NAALADL2: variants seen among roughly 807,000 people sequenced by gnomAD.
The protein encoded by NAALADL2 is inactive N-acetylated-alpha-linked acidic dipeptidase-like protein 2.
A neutral mutation model predicts 87.2 loss-of-function variants in NAALADL2; 76 were observed. That is an observed-to-expected ratio of 0.87 (90% CI 0.72 to 1.05). NAALADL2 has a LOEUF of 1.05. NAALADL2 is among the 50% of genes least tolerant of loss of function. NAALADL2 has a pLI of 0.00. For synonymous variants in NAALADL2, 354 were observed against 331.0 expected, an observed-to-expected ratio of 1.07 and a Z score of -0.75; for missense variants, 1,089 against 945.8, an observed-to-expected ratio of 1.15 and a Z score of -1.99.
chr3:175,055,557 G>A lies in NAALADL2; in HGVS notation c.44-41233G>A, dbSNP rs569633417. Among the ~76,000 whole-genome samples the A allele has an allele frequency of 6.6e-5, 10 of 152,298 alleles. No homozygotes were observed. In the East Asian group the frequency reaches 9.7e-4, roughly 15 times the overall value. On this transcript the variant is annotated intron_variant, in intron 1 of 13. Coordinates refer to ENST00000454872, the MANE Select transcript of NAALADL2 (RefSeq NM_207015.3). ...CAGGGGTGAGGGAATGGCCTCAGTC[G>A]GAAATGCCCCAGTTTGGAATGGGGC...
intron 11 of NAALADL2, among the ~76,000 whole-genome samples, chr3:175,698,480 T>C (rs1003766262): frequency 8.3e-6 from 1 of 120,380 alleles, no homozygotes; most frequent in Admixed American, 7.9e-5. Context: ...TGTGTATATA[T>C]ATTTATATAT....
intron 2 of NAALADL2, among the ~76,000 whole-genome samples, chr3:174,687,693 A>G (rs1728175187): frequency 6.6e-6 from 1 of 152,062 alleles, no homozygotes; most frequent in Non-Finnish European, 1.5e-5. Context: ...ATTTATGTTA[A>G]TATAATTTGA....
intron 3 of NAALADL2, among the ~76,000 whole-genome samples, chr3:175,237,584 C>G (rs60343293): frequency 3.9e-5 from 6 of 152,144 alleles, no homozygotes; most frequent in African/African-American, 1.2e-4. Context: ...TTTTTAGATC[C>G]CTTTAAATGA....
chr3:175,719,914 A>C (rs1741989540), intron 11 of NAALADL2, among the ~76,000 whole-genome samples: 1 of 152,174 alleles, frequency 6.6e-6, no homozygotes, highest in African/African-American at 2.4e-5. Flanking sequence ...GTGATAGAAG[A>C]AGCTAACTTT....
chr3:174,785,737 C>G (rs867370383), intron 3 of NAALADL2, among the ~76,000 whole-genome samples: 1 of 152,064 alleles, frequency 6.6e-6, no homozygotes, highest in African/African-American at 2.4e-5. Flanking sequence ...TAGTGATTCC[C>G]TGCTATATTT....
chr3:174,872,920 C>T (rs1217536124), intron 1 of NAALADL2, among the ~76,000 whole-genome samples: 3 of 152,136 alleles, frequency 2.0e-5, no homozygotes, highest in South Asian at 2.1e-4. Context: ...ATTAAAGATG[C>T]TATTTTGAAA....
At chr3:175,305,091 G>T (rs1317666495) in intron 4 of NAALADL2, among the ~76,000 whole-genome samples, 1 of 151,732 alleles carries the variant, frequency 6.6e-6, no homozygotes, top group African/African-American at 2.4e-5. Context: ...AGTTAATTTT[G>T]TTCATTATTT....
chr3:174,777,089 A>G (rs1449904723), intron 3 of NAALADL2, among the ~76,000 whole-genome samples: 1 of 152,128 alleles, frequency 6.6e-6, no homozygotes, highest in African/African-American at 2.4e-5. Flanking sequence ...CAACTATCAT[A>G]ATCTTTTCAA....
At chr3:175,164,422 A>G (rs1560108441) in intron 2 of NAALADL2, among the ~76,000 whole-genome samples, 1 of 152,058 alleles carries the variant, frequency 6.6e-6, no homozygotes, top group Non-Finnish European at 1.5e-5. Flanking sequence ...AACTAATAGA[A>G]ATAAAGAATT....
chr3:174,672,560 A>G (rs868343691), intron 2 of NAALADL2, among the ~76,000 whole-genome samples: 1 of 152,054 alleles, frequency 6.6e-6, no homozygotes, highest in African/African-American at 2.4e-5. Flanking sequence ...TGATGATGAT[A>G]ATGGGGTGTG....
chr3:175,571,180 T>G (rs1718028535), intron 9 of NAALADL2, among the ~76,000 whole-genome samples: 1 of 152,170 alleles, frequency 6.6e-6, no homozygotes, highest in Admixed American at 6.5e-5. Context: ...ACTATAAAGT[T>G]TTGCCTTTCA....
At chr3:174,672,068 A>G (rs593599) in intron 2 of NAALADL2, among the ~76,000 whole-genome samples, 96,894 of 151,716 alleles carry the variant, frequency 0.64, 31,672 homozygotes, top group Admixed American at 0.72. Context: ...AACTAAGAAT[A>G]TTCTAAATAT....
chr3:175,351,043 C>T (rs545946354), intron 5 of NAALADL2, among the ~76,000 whole-genome samples: 9 of 152,126 alleles, frequency 5.9e-5, no homozygotes, highest in Admixed American at 5.9e-4. Flanking sequence ...TTATCAATTG[C>T]ATATACTTTG....
chr3:174,519,599 G>T (rs1720144785), intron 1 of NAALADL2, among the ~76,000 whole-genome samples: 1 of 151,806 alleles, frequency 6.6e-6, no homozygotes, highest in African/African-American at 2.4e-5. Flanking sequence ...TCAAAGTGCT[G>T]GGATTACAGA....
At chr3:174,949,303 AT>A (rs1364821240) in intron 1 of NAALADL2, among the ~76,000 whole-genome samples, 1 of 152,094 alleles carries the variant, frequency 6.6e-6, no homozygotes, top group East Asian at 1.9e-4. Flanking sequence ...CAGAAAGCCA[AT>A]TGGAATCTAT....
intron 1 of NAALADL2, among the ~76,000 whole-genome samples, chr3:174,919,320 A>G (rs557962865): frequency 2.6e-5 from 4 of 152,302 alleles, no homozygotes; most frequent in African/African-American, 7.2e-5. Context: ...AACGTCTTTC[A>G]AAATTGGAGT....
rs910178657 is a variant in NAALADL2, at chr3:174,989,372, C to T, written c.44-107418C>T. 4.6e-5 allele frequency among the ~76,000 whole-genome samples: 7 copies of T among 152,194 alleles called. No individual in the cohort carries two copies. The East Asian group carries it at 1.2e-3, about 25-fold the overall frequency. ...TAAATTTTTCTGGCTCCACACTTTACATTTAATGGTAGAAAGAAACTTACA... is the reference window on the plus strand; with the variant it reads ...TAAATTTTTCTGGCTCCACACTTTATATTTAATGGTAGAAAGAAACTTACA... On this transcript the variant is annotated intron_variant, in intron 1 of 13. Transcript: ENST00000454872.
At chr3:175,460,097 G>T in intron 6 of NAALADL2, 1 of 453,524 alleles carries the variant, frequency 2.2e-6, no homozygotes, top group Non-Finnish European at 4.4e-6. Context: ...CTAAGTACAG[G>T]ATTGCTTTTG....
chr3:175,661,083 A>G (rs887547123), intron 11 of NAALADL2, among the ~76,000 whole-genome samples: 1 of 152,132 alleles, frequency 6.6e-6, no homozygotes, highest in Non-Finnish European at 1.5e-5. Flanking sequence ...ACTCTATTCC[A>G]TAATGACTAC....
Sources: allele counts gnomAD v4.1 joint callset (sites outside exome capture counted in the v4.1 genomes callset), GRCh38; gene constraint gnomAD v4.1.1; transcripts MANE v1.5; gene names NCBI Gene and HGNC (gene_info 2026-07-23, HGNC 2026-07-21).